Variants in STAC observed in about 807,000 individuals in gnomAD.
The protein encoded by STAC is SH3 and cysteine rich domain, also known as SH3 and cysteine-rich domain-containing protein.
STAC carries 43 observed loss-of-function variants against 48.8 expected under a neutral mutation model. That is an observed-to-expected ratio of 0.88 (90% CI 0.69 to 1.14). The LOEUF is 1.14. Among genes scored for constraint, STAC ranks in the 50% most tolerant of loss-of-function variants. The pLI, the probability that STAC is intolerant of heterozygous loss-of-function variation, is 0.00. For synonymous variants in STAC, 193 were observed against 179.5 expected (o/e 1.07, Z -0.60); for missense variants, 497 against 504.0 (o/e 0.99, Z 0.13).
intron 2 of STAC, chr3:36,459,481 TTTTC>T (rs1382508891): frequency 2.6e-5 from 4 of 152,228 alleles, no homozygotes; most frequent in Non-Finnish European, 5.9e-5. Flanking sequence ...ACATCCCATA[TTTTC>T]TTTAAAATAA....
In STAC at chr3:36,535,683, C is replaced by T. The variant is rs528124425; in HGVS notation, c.1110+6698C>T. 5.9e-4 allele frequency among the ~76,000 whole-genome samples: 90 copies of T among 152,106 alleles called. No individual in the cohort carries two copies. In the South Asian group the frequency reaches 0.017, roughly 28 times the overall value. ...ATTGAGAGTTTTTAAAATGAATGGA[C>T]GTTGAAATTTATTGAAGGCCTTTTC... On this transcript the variant is annotated intron_variant, in intron 10 of 10. Transcript: ENST00000273183.
chr3:36,543,951 G>C (rs940049169), intron 10 of STAC, among the ~76,000 whole-genome samples: 1 of 152,038 alleles, frequency 6.6e-6, no homozygotes, highest in African/African-American at 2.4e-5. Context: ...CATGGTTCAT[G>C]TTTCACCTAG....
chr3:36,474,833 C>T (rs769536379), intron 2 of STAC, among the ~76,000 whole-genome samples: 4 of 152,094 alleles, frequency 2.6e-5, no homozygotes, highest in Non-Finnish European at 5.9e-5. Context: ...ATTAATAAAG[C>T]GAGGAAGCAT....
chr3:36,422,624 TTA>T (rs1377068522), intron 1 of STAC, among the ~76,000 whole-genome samples: 5 of 152,124 alleles, frequency 3.3e-5, no homozygotes, highest in African/African-American at 9.7e-5. Context: ...CAAAAAATGA[TTA>T]TGTTTTGAGC....
rs1428803267 is a variant in STAC at position 36,547,734 on chromosome 3, G to A, written c.*1445G>A. 1 of 152,248 alleles carries A rather than the reference G, an allele frequency of 6.6e-6. No homozygotes were observed. Among genetic ancestry groups the A allele is most frequent in the Non-Finnish European group, 1.5e-5 (1 of 68,038 alleles). 9.4% of individuals were successfully genotyped at this position (152,248 alleles called of 1,614,324 possible). ...CATTTATTTCTTTTGTTCCCGCTCA[G>A]TGTGAAGTTGGGAACTGAGAGGGGA... On this transcript the variant is annotated 3_prime_UTR_variant, in exon 11 of 11. Transcript: ENST00000273183.
intron 8 of STAC, among the ~76,000 whole-genome samples, chr3:36,509,824 G>T (rs1350027324): frequency 1.3e-5 from 2 of 151,970 alleles, no homozygotes; most frequent in Non-Finnish European, 2.9e-5. Flanking sequence ...ATGGATTAAA[G>T]AGTTAAACGT....
At chr3:36,409,670 C>A (rs1006246021) in intron 1 of STAC, 1 of 152,106 alleles carries the variant, frequency 6.6e-6, no homozygotes, top group African/African-American at 2.4e-5. Context: ...CATCCATCCA[C>A]GTGCATCTTG....
intron 5 of STAC, among the ~76,000 whole-genome samples, chr3:36,487,667 C>G (rs1354138184): frequency 1.3e-5 from 2 of 152,164 alleles, no homozygotes; most frequent in African/African-American, 2.4e-5. Flanking sequence ...AAAAAATACA[C>G]TTTTATATGT....
chr3:36,433,890 T>C (rs890998435), intron 1 of STAC, among the ~76,000 whole-genome samples: 13 of 152,212 alleles, frequency 8.5e-5, no homozygotes, highest in Non-Finnish European at 1.6e-4. Flanking sequence ...GAGCTGGCTA[T>C]GACAGAGCCA....
chr3:36,457,893 T>C (rs908231189), intron 2 of STAC, among the ~76,000 whole-genome samples: 1 of 152,198 alleles, frequency 6.6e-6, no homozygotes, highest in Non-Finnish European at 1.5e-5. Flanking sequence ...TAACTCTATT[T>C]GCTATTTTTA....
chr3:36,495,520 G>C (rs566526497), intron 6 of STAC, among the ~76,000 whole-genome samples: 1 of 152,152 alleles, frequency 6.6e-6, no homozygotes, highest in African/African-American at 2.4e-5. Flanking sequence ...CACCTCAGAC[G>C]TAATCCATCA....
chr3:36,424,740 T>C (rs1244294241), intron 1 of STAC, among the ~76,000 whole-genome samples: 1 of 152,142 alleles, frequency 6.6e-6, no homozygotes, highest in East Asian at 1.9e-4. Flanking sequence ...AAAAACGATG[T>C]AGGTACCAAC....
intron 6 of STAC, among the ~76,000 whole-genome samples, chr3:36,497,520 C>T (rs1430876878): frequency 6.6e-6 from 1 of 152,026 alleles, no homozygotes; most frequent in African/African-American, 2.4e-5. Context: ...AATAATAGGC[C>T]CCATTTATGA....
chr3:36,546,307 G>T lies in STAC; in HGVS notation c.*18G>T, dbSNP rs753385751. 1 of 1,606,646 alleles carries T rather than the reference G, an allele frequency of 6.2e-7. No individual in the cohort carries two copies. The highest frequency in any genetic ancestry group is 8.5e-7 in the Non-Finnish European group (1 of 1,173,350). ...ACATCTGATTGCTGGCTCCTCCTCC[G>T]TTTGCAGTAGGCAAGCTCTGCTGCG... On this transcript the variant is annotated 3_prime_UTR_variant, in exon 11 of 11. Coordinates refer to ENST00000273183, the MANE Select transcript of STAC (RefSeq NM_003149.3).
At chr3:36,403,097 G>A (rs1316721875) in intron 1 of STAC, among the ~76,000 whole-genome samples, 5 of 152,150 alleles carry the variant, frequency 3.3e-5, no homozygotes, top group Non-Finnish European at 7.3e-5. Flanking sequence ...CCATTTCAAA[G>A]GAACTGTTTT....
Position 36,427,227 on chromosome 3 carries a change from G to A in STAC, c.112-16137G>A, listed in dbSNP as rs145585861. 4.6e-5 allele frequency among the ~76,000 whole-genome samples: 7 copies of A among 152,288 alleles called. No homozygotes were observed. The East Asian group carries it at 1.3e-3, about 29-fold the overall frequency. On this transcript the variant is annotated intron_variant, in intron 1 of 10. Transcript: ENST00000273183. ...GCAGAACTTTCTCCATGCTTTTGGG[G>A]CTATTGTGACTCCATGAAGAACACT...
At chr3:36,531,922 AACTT>A (rs1225936731) in intron 10 of STAC, among the ~76,000 whole-genome samples, 1 of 152,214 alleles carries the variant, frequency 6.6e-6, no homozygotes, top group Non-Finnish European at 1.5e-5. Flanking sequence ...GGTAGTAAAA[AACTT>A]AATGGCTTTG....
intron 2 of STAC, among the ~76,000 whole-genome samples, chr3:36,455,345 A>G (rs1040985410): frequency 2.0e-5 from 3 of 152,216 alleles, no homozygotes; most frequent in African/African-American, 7.2e-5. Context: ...AGACACAGCA[A>G]TGAATCCTGG....
At chr3:36,497,287 C>T (rs1369833706) in intron 6 of STAC, among the ~76,000 whole-genome samples, 3 of 152,174 alleles carry the variant, frequency 2.0e-5, no homozygotes, top group African/African-American at 7.2e-5. Context: ...CCCTTTCCAG[C>T]ATTGTGGAGA....
Sources: allele counts gnomAD v4.1 joint callset (sites outside exome capture counted in the v4.1 genomes callset), GRCh38; gene constraint gnomAD v4.1.1; transcripts MANE v1.5; gene names NCBI Gene and HGNC (gene_info 2026-07-23, HGNC 2026-07-21).